Variants in NTN1 observed in about 807,000 individuals in gnomAD.
NTN1 encodes the protein netrin 1.
In NTN1, 11 loss-of-function variants were observed where a neutral mutation model predicts 54.2. The observed-to-expected ratio is 0.20, with a 90% confidence interval of 0.13 to 0.34. NTN1 has a LOEUF of 0.34. NTN1 is among the 10% of genes least tolerant of loss of function. The pLI is 1.00. For missense variants in NTN1, 740 were observed against 893.1 expected (o/e 0.83, Z 2.18); for synonymous variants, 371 against 382.0 (o/e 0.97, Z 0.33).
intron 2 of NTN1, among the ~76,000 whole-genome samples, chr17:9,105,184 A>T (rs1304306454): frequency 6.6e-6 from 1 of 152,200 alleles, no homozygotes; most frequent in African/African-American, 2.4e-5. Context: ...GCCTTTAGGA[A>T]GAGCCCCCAG....
At chr17:9,004,172 T>C in the NTN1 span, among the ~76,000 whole-genome samples, 9 of 151,892 alleles carry the variant, frequency 5.9e-5, no homozygotes, top group South Asian at 1.9e-3. Flanking sequence ...GGAGCGTCCG[T>C]CCAAAACCCC....
At position 9,027,405 on chromosome 17, in the gene NTN1, A is replaced by T. The variant is rs186453311; in HGVS notation, c.1018+4014A>T. 9.2e-5 allele frequency among the ~76,000 whole-genome samples: 14 copies of T among 152,230 alleles called. No homozygotes were observed. In the East Asian group the frequency reaches 2.7e-3, roughly 29 times the overall value. Reference sequence around the variant, plus strand: ...GGAAACCATGGCCTAGAGACATTAGATGGTTTACCCTAAGTCACATAGCTA... The same window carrying T: ...GGAAACCATGGCCTAGAGACATTAGTTGGTTTACCCTAAGTCACATAGCTA... On this transcript the variant is annotated intron_variant, in intron 2 of 6. Transcript: ENST00000173229.
intron 2 of NTN1, among the ~76,000 whole-genome samples, chr17:9,024,078 A>AT (rs905267770): frequency 2.0e-5 from 3 of 152,160 alleles, no homozygotes; most frequent in African/African-American, 2.4e-5. Flanking sequence ...AGTATACCAG[A>AT]TTTTTTTTAT....
chr17:9,198,964 G>C (rs1334493696), intron 5 of NTN1, among the ~76,000 whole-genome samples: 1 of 152,134 alleles, frequency 6.6e-6, no homozygotes, highest in Non-Finnish European at 1.5e-5. Flanking sequence ...AGAAGCTGGG[G>C]AACAGTGACT....
intron 6 of NTN1, among the ~76,000 whole-genome samples, chr17:9,224,594 T>C (rs1597547315): frequency 6.6e-6 from 1 of 152,136 alleles, no homozygotes; most frequent in Admixed American, 6.5e-5. Context: ...TGGCCCAGCC[T>C]CCCGCCCCTT....
intron 2 of NTN1, among the ~76,000 whole-genome samples, chr17:9,027,761 G>A (rs1219089743): frequency 6.6e-6 from 1 of 152,056 alleles, no homozygotes; most frequent in African/African-American, 2.4e-5. Flanking sequence ...CTGGGAGTTG[G>A]GACTATGAAT....
chr17:9,122,916 G>C (rs938630195), intron 2 of NTN1, among the ~76,000 whole-genome samples: 1 of 152,132 alleles, frequency 6.6e-6, no homozygotes, highest in Non-Finnish European at 1.5e-5. Context: ...TTTTGTGGGT[G>C]TACCATGACT....
intron 2 of NTN1, among the ~76,000 whole-genome samples, chr17:9,059,731 G>C (rs2091990086): frequency 6.6e-6 from 1 of 151,996 alleles, no homozygotes; most frequent in Non-Finnish European, 1.5e-5. Context: ...AAACTAGACA[G>C]AGGTGATGGT....
intron 5 of NTN1, among the ~76,000 whole-genome samples, chr17:9,202,118 G>A (rs891644440): frequency 7.1e-6 from 1 of 141,570 alleles, no homozygotes; most frequent in African/African-American, 2.7e-5. Context: ...GTACGCACCT[G>A]TAGTCCCAGC....
intron 4 of NTN1, among the ~76,000 whole-genome samples, chr17:9,182,306 A>C (rs2092420875): frequency 1.3e-5 from 2 of 152,218 alleles, no homozygotes; most frequent in African/African-American, 4.8e-5. Context: ...TAGATAGAGA[A>C]TAATCAAAAC....
At chr17:9,198,065 G>C (rs1471438615) in intron 5 of NTN1, among the ~76,000 whole-genome samples, 1 of 152,152 alleles carries the variant, frequency 6.6e-6, no homozygotes, top group Non-Finnish European at 1.5e-5. Context: ...GCTGTCTTTG[G>C]CTTTAATTCT....
At chr17:9,091,942 A>C (rs1313902416) in intron 2 of NTN1, among the ~76,000 whole-genome samples, 3 of 151,790 alleles carry the variant, frequency 2.0e-5, no homozygotes, top group Non-Finnish European at 4.4e-5. Flanking sequence ...TAGCTACCTC[A>C]TATCAGTGGA....
intron 6 of NTN1, among the ~76,000 whole-genome samples, chr17:9,224,506 C>T (rs1215369310): frequency 1.3e-5 from 2 of 152,212 alleles, no homozygotes; most frequent in Non-Finnish European, 2.9e-5. Context: ...GGACAGCGGG[C>T]TTCAGGTTGC....
At chr17:9,096,295 CT>C (rs2092131657) in intron 2 of NTN1, among the ~76,000 whole-genome samples, 2 of 144,470 alleles carry the variant, frequency 1.4e-5, no homozygotes, top group Admixed American at 1.4e-4. Context: ...AAGAAACTGG[CT>C]TTTATGTATT....
chr17:9,042,721 A>T (rs1224237905), intron 2 of NTN1, among the ~76,000 whole-genome samples: 1 of 150,968 alleles, frequency 6.6e-6, no homozygotes, highest in Non-Finnish European at 1.5e-5. Context: ...CAGGAGGCAG[A>T]GGTTGCAGTG....
At chr17:9,074,638 C>T (rs1597478426) in intron 2 of NTN1, among the ~76,000 whole-genome samples, 1 of 152,190 alleles carries the variant, frequency 6.6e-6, no homozygotes, top group South Asian at 2.1e-4. Context: ...TTCCACTGGC[C>T]TGGAGGGCCC....
In NTN1 at chr17:9,135,846, A is replaced by C. The variant is rs2092279233; in HGVS notation, c.1019-26967A>C. On this transcript the variant is annotated intron_variant, in intron 2 of 6. Coordinates refer to ENST00000173229, the MANE Select transcript of NTN1 (RefSeq NM_004822.3). This position sits in a 1 kb window ranked among gnomAD's most constrained non-coding sequence, Gnocchi z 4.4. ...GGTTCTAGCCCTGAGTCCACCATTC[A>C]CTCCCTGAGCTCCTCTTCACACATG... Among the ~76,000 whole-genome samples the C allele has an allele frequency of 6.6e-6, 1 of 151,454 alleles. No homozygotes were observed. The highest frequency in any genetic ancestry group is 1.5e-5 in the Non-Finnish European group (1 of 67,928).
intron 2 of NTN1, among the ~76,000 whole-genome samples, chr17:9,103,213 C>T (rs2092155940): frequency 4.6e-5 from 7 of 152,200 alleles, no homozygotes; most frequent in Admixed American, 3.9e-4. Context: ...GATATTTGTA[C>T]CACCCATGTT....
rs971780232 is a variant in NTN1, at chr17:9,241,834, A to C, written c.*1866A>C. 6.6e-6 allele frequency: 1 copy of C among 152,258 alleles called. No homozygotes were observed. The highest frequency in any genetic ancestry group is 2.4e-5 in the African/African-American group (1 of 41,462). 9.4% of individuals were successfully genotyped at this position (152,258 alleles called of 1,614,324 possible). ...CAAATTGGTGGCAGGACTGGGGCTC[A>C]AACTCCAGAGCCCGACTTTCTGACC... On this transcript the variant is annotated 3_prime_UTR_variant, in exon 7 of 7. Transcript: ENST00000173229.
Sources: gnomAD v4.1 joint callset for allele counts (sites outside exome capture counted in the v4.1 genomes callset) on GRCh38, gnomAD v4.1.1 for gene constraint, Gnocchi (gnomAD v3.1) non-coding constraint, MANE v1.5 for transcripts, NCBI Gene and HGNC (gene_info 2026-07-23, HGNC 2026-07-21) for gene names.